The following NCAM2 variants were observed in gnomAD, a reference collection of about 807,000 sequenced individuals.
The protein encoded by NCAM2 is neural cell adhesion molecule 2.
Under a neutral mutation model 98.1 loss-of-function variants are expected in NCAM2, and 30 were observed. The observed-to-expected ratio is 0.31, with a 90% CI of 0.23 to 0.41. The LOEUF (loss-of-function observed/expected upper bound fraction) is 0.41. Among genes scored for constraint, NCAM2 ranks in the 10% least tolerant of loss-of-function variants. The pLI is 1.00. For synonymous variants in NCAM2, 368 were observed against 342.4 expected (o/e 1.07, Z -0.83); for missense variants, 867 against 1,005.8 (o/e 0.86, Z 1.87).
chr21:21,390,100 G>A (rs763498592), intron 9 of NCAM2, among the ~76,000 whole-genome samples: 7 of 151,918 alleles, frequency 4.6e-5, no homozygotes, highest in East Asian at 1.9e-4. Context: ...CACCCTCCTC[G>A]GCCTCCCAAA....
At chr21:21,236,114 A>G (rs993576916) in intron 1 of NCAM2, among the ~76,000 whole-genome samples, 1 of 151,884 alleles carries the variant, frequency 6.6e-6, no homozygotes, top group African/African-American at 2.4e-5. Context: ...TTGTCATTTC[A>G]TCTCTGATGA....
chr21:21,347,839 T>A (rs2075229570), intron 8 of NCAM2, among the ~76,000 whole-genome samples: 1 of 152,104 alleles, frequency 6.6e-6, no homozygotes. Flanking sequence ...ATACATCATA[T>A]CAACAAAGTG....
intron 1 of NCAM2, among the ~76,000 whole-genome samples, chr21:21,052,032 C>T (rs2065119176): frequency 6.6e-6 from 1 of 151,846 alleles, no homozygotes; most frequent in African/African-American, 2.4e-5. Context: ...AGGTAAATTG[C>T]ATGATGCTGA....
chr21:21,133,796 C>T (rs750575628), intron 1 of NCAM2, among the ~76,000 whole-genome samples: 10 of 152,184 alleles, frequency 6.6e-5, no homozygotes, highest in Admixed American at 1.3e-4. Flanking sequence ...AACTTACCCA[C>T]ATCCCCATCC....
At chr21:21,044,035 T>TTGTGTGTGTG (rs61626238) in intron 1 of NCAM2, among the ~76,000 whole-genome samples, 3 of 150,194 alleles carry the variant, frequency 2.0e-5, no homozygotes, top group Non-Finnish European at 4.5e-5. Context: ...TTTGAAGACT[T>TTGTGTGTGTG]TGTGTGTGTG....
At chr21:21,161,317 G>A (rs1027705923) in intron 1 of NCAM2, among the ~76,000 whole-genome samples, 1 of 151,842 alleles carries the variant, frequency 6.6e-6, no homozygotes, top group African/African-American at 2.4e-5. Flanking sequence ...AAGGCATTTG[G>A]TGCATTTTAT....
chr21:21,379,762 T>G (rs2148080203), intron 9 of NCAM2, among the ~76,000 whole-genome samples: 1 of 152,090 alleles, frequency 6.6e-6, no homozygotes, highest in Admixed American at 6.6e-5. Flanking sequence ...CAAGGTAAAT[T>G]ATGGTATTTG....
chr21:21,277,016 C>G (rs1308588332), intron 1 of NCAM2, among the ~76,000 whole-genome samples: 2 of 151,932 alleles, frequency 1.3e-5, no homozygotes, highest in Non-Finnish European at 2.9e-5. Flanking sequence ...CTGTATTTGA[C>G]TTTTAAAATT....
At chr21:21,265,383 T>C (rs2072202885) in intron 1 of NCAM2, among the ~76,000 whole-genome samples, 1 of 36 alleles carries the variant, frequency 0.028, no homozygotes, top group Admixed American at 0.1. Flanking sequence ...CATACACATA[T>C]ATGTACACAC....
chr21:21,106,234 G>T (rs2066342640), intron 1 of NCAM2, among the ~76,000 whole-genome samples: 1 of 148,204 alleles, frequency 6.7e-6, no homozygotes. Context: ...CCTGAGCCCA[G>T]GTGTTCCAGG....
chr21:21,208,488 C>A (rs562007114), intron 1 of NCAM2, among the ~76,000 whole-genome samples: 57 of 152,188 alleles, frequency 3.7e-4, no homozygotes, highest in African/African-American at 1.3e-3. Context: ...AATTTTATTT[C>A]TTGTTTTCAA....
intron 1 of NCAM2, among the ~76,000 whole-genome samples, chr21:21,113,179 T>C (rs997734414): frequency 2.0e-5 from 3 of 152,194 alleles, no homozygotes; most frequent in Admixed American, 6.5e-5. Context: ...TTCATGATAA[T>C]GCTCACACAG....
At chr21:21,069,082 C>T (rs986208760) in intron 1 of NCAM2, among the ~76,000 whole-genome samples, 9 of 151,986 alleles carry the variant, frequency 5.9e-5, no homozygotes, top group Admixed American at 2.0e-4. Context: ...GATTAAAATC[C>T]AATTGTAATT....
At chr21:21,041,391 A>G (rs906957674) in intron 1 of NCAM2, among the ~76,000 whole-genome samples, 3 of 152,204 alleles carry the variant, frequency 2.0e-5, no homozygotes, top group Non-Finnish European at 2.9e-5. Flanking sequence ...TAAAGCAACT[A>G]TATAGGGTGC....
intron 1 of NCAM2, among the ~76,000 whole-genome samples, chr21:21,265,399 A>G (rs1303116370): frequency 7.9e-6 from 1 of 126,312 alleles, no homozygotes; most frequent in African/African-American, 3.2e-5. Flanking sequence ...CACACCATAT[A>G]TTATATATGT....
chr21:21,085,004 A>G (rs887967431), intron 1 of NCAM2, among the ~76,000 whole-genome samples: 5 of 152,104 alleles, frequency 3.3e-5, no homozygotes, highest in Non-Finnish European at 7.4e-5. Flanking sequence ...CCTTCCTTCT[A>G]TCGCCGCTTC....
intron 12 of NCAM2, among the ~76,000 whole-genome samples, chr21:21,450,589 C>G (rs575520007): frequency 6.6e-6 from 1 of 152,040 alleles, no homozygotes; most frequent in African/African-American, 2.4e-5. Flanking sequence ...CTCAGCCTCC[C>G]AAATCACCGG....
At chr21:21,315,001 C>T (rs1162282469) in intron 5 of NCAM2, among the ~76,000 whole-genome samples, 1 of 152,104 alleles carries the variant, frequency 6.6e-6, no homozygotes, top group Non-Finnish European at 1.5e-5. Context: ...AATAGATTAT[C>T]TTTAGGACTT....
intron 9 of NCAM2, among the ~76,000 whole-genome samples, chr21:21,378,428 T>C (rs1395504455): frequency 6.6e-6 from 1 of 152,146 alleles, no homozygotes; most frequent in Non-Finnish European, 1.5e-5. Context: ...TGATTAGTGA[T>C]GCTGAGCACT....
Sources: gnomAD v4.1 joint callset for allele counts (sites outside exome capture counted in the v4.1 genomes callset) on GRCh38, gnomAD v4.1.1 for gene constraint, MANE v1.5 for transcripts, NCBI Gene and HGNC (gene_info 2026-07-23, HGNC 2026-07-21) for gene names.